The following FAF1 variants were observed in gnomAD, a reference collection of about 807,000 sequenced individuals.
FAF1 encodes Fas associated factor 1.
In FAF1, 25 loss-of-function variants were observed where a neutral mutation model predicts 92.5. The ratio of observed to expected loss-of-function variants is 0.27; its 90% CI spans 0.20 to 0.38. The LOEUF (loss-of-function observed/expected upper bound fraction) is 0.38. Among genes scored for constraint, FAF1 ranks in the 10% least tolerant of loss-of-function variants. The probability of loss-of-function intolerance (pLI) is 1.00; values close to 1 mark genes in which losing one functional copy is unlikely to be tolerated. For synonymous variants in FAF1, 234 were observed against 273.2 expected (o/e 0.86, Z 1.42); for missense variants, 636 against 793.3 (o/e 0.80, Z 2.38).
intron 2 of FAF1, among the ~76,000 whole-genome samples, chr1:50,843,811 C>CTTGGCT: frequency 6.6e-6 from 1 of 151,956 alleles, no homozygotes. Context: ...GATTCCATAT[C>CTTGGCT]TTGGCTACTG....
chr1:50,780,224 T>C (rs1366132459), intron 4 of FAF1: 1 of 152,320 alleles, frequency 6.6e-6, no homozygotes, highest in Non-Finnish European at 1.5e-5. Context: ...TTTAGATTTA[T>C]GGACATGCAA....
intron 17 of FAF1, among the ~76,000 whole-genome samples, chr1:50,480,276 A>AT (rs960124927): frequency 3.3e-5 from 5 of 152,198 alleles, no homozygotes; most frequent in African/African-American, 1.2e-4. Flanking sequence ...ACAAGGTTAC[A>AT]TTTTTTAAAC....
At chr1:50,792,445 G>C (rs993221504) in intron 3 of FAF1, among the ~76,000 whole-genome samples, 2 of 152,198 alleles carry the variant, frequency 1.3e-5, no homozygotes, top group African/African-American at 4.8e-5. Context: ...TCCCATGACT[G>C]AGAAGGCTAG....
intron 1 of FAF1, among the ~76,000 whole-genome samples, chr1:50,871,774 C>T (rs1476322878): frequency 6.6e-6 from 1 of 152,176 alleles, no homozygotes; most frequent in Non-Finnish European, 1.5e-5. Flanking sequence ...AACATCGATT[C>T]TGTAGCTCAT....
At chr1:50,774,266 T>C (rs1171032372) in intron 4 of FAF1, among the ~76,000 whole-genome samples, 1 of 152,194 alleles carries the variant, frequency 6.6e-6, no homozygotes, top group East Asian at 1.9e-4. Flanking sequence ...CTTTCCTTCT[T>C]TTCACATGTA....
chr1:50,462,231 C>T (rs568289900), intron 18 of FAF1: 6 of 151,940 alleles, frequency 3.9e-5, no homozygotes, highest in East Asian at 3.9e-4. Flanking sequence ...CTGAGTCCTA[C>T]GAATCTTCCT....
At chr1:50,680,511 C>T (rs902471050) in intron 7 of FAF1, among the ~76,000 whole-genome samples, 1 of 151,948 alleles carries the variant, frequency 6.6e-6, no homozygotes. Context: ...GGGGAAACCT[C>T]GTCTCTACTA....
chr1:50,934,760 T>C (rs535628801), intron 1 of FAF1, among the ~76,000 whole-genome samples: 1 of 152,352 alleles, frequency 6.6e-6, no homozygotes, highest in Admixed American at 6.5e-5. Context: ...TTTAAAGTCT[T>C]CACTTTTGGT....
chr1:50,651,869 C>T (rs1210066842), intron 8 of FAF1, among the ~76,000 whole-genome samples: 1 of 152,166 alleles, frequency 6.6e-6, no homozygotes, highest in African/African-American at 2.4e-5. Flanking sequence ...AGTTTTTATA[C>T]TCCTAATGAA....
chr1:50,618,306 T>G (rs1653021896), intron 8 of FAF1, among the ~76,000 whole-genome samples: 1 of 152,172 alleles, frequency 6.6e-6, no homozygotes, highest in Non-Finnish European at 1.5e-5. Flanking sequence ...TTAACACTGC[T>G]TTAGCTGCAT....
intron 4 of FAF1, among the ~76,000 whole-genome samples, chr1:50,776,953 G>A (rs537408319): frequency 6.6e-6 from 1 of 151,918 alleles, no homozygotes; most frequent in Non-Finnish European, 1.5e-5. Context: ...GAAGTTTGGT[G>A]ATTTAAAAAA....
intron 1 of FAF1, chr1:50,959,565 T>C: frequency 2.6e-6 from 1 of 384,008 alleles, no homozygotes; most frequent in Non-Finnish European, 5.0e-6. Context: ...AACCCGTACT[T>C]AACACATTCT....
chr1:50,523,215 G>A (rs1162612217), intron 15 of FAF1, among the ~76,000 whole-genome samples: 1 of 152,150 alleles, frequency 6.6e-6, no homozygotes, highest in Non-Finnish European at 1.5e-5. Flanking sequence ...GAATAATGAT[G>A]CAATGAACTT....
intron 8 of FAF1, among the ~76,000 whole-genome samples, chr1:50,639,919 G>A (rs1341848605): frequency 2.3e-5 from 3 of 133,302 alleles, no homozygotes; most frequent in Admixed American, 1.6e-4. Flanking sequence ...GGGTGACAGA[G>A]CAAGACTCGA....
chr1:50,717,594 C>T (rs1658230048), intron 6 of FAF1, among the ~76,000 whole-genome samples: 1 of 152,190 alleles, frequency 6.6e-6, no homozygotes, highest in South Asian at 2.1e-4. Context: ...GTCATGAGTT[C>T]AGCACAGGCT....
chr1:50,715,082 G>A (rs1468943972), intron 6 of FAF1: 1 of 386,170 alleles, frequency 2.6e-6, no homozygotes, highest in Non-Finnish European at 5.1e-6. Flanking sequence ...AACAGAAAAA[G>A]ACTATTAAAA....
intron 1 of FAF1, among the ~76,000 whole-genome samples, chr1:50,907,525 G>T (rs1430696308): frequency 6.6e-6 from 1 of 152,060 alleles, no homozygotes; most frequent in African/African-American, 2.4e-5. Flanking sequence ...TTTTTTGGTT[G>T]GTAGGCTATT....
At chr1:50,481,716 G>C (rs1646706217) in intron 17 of FAF1, among the ~76,000 whole-genome samples, 1 of 151,930 alleles carries the variant, frequency 6.6e-6, no homozygotes, top group South Asian at 2.1e-4. Flanking sequence ...TGGGGGGAGG[G>C]GTAAAATTTT....
chr1:50,722,551 A>G (rs1658454434), intron 6 of FAF1, among the ~76,000 whole-genome samples: 1 of 150,576 alleles, frequency 6.6e-6, no homozygotes, highest in Admixed American at 6.6e-5. Flanking sequence ...CGGGAGGCTG[A>G]GGCAGGAGAA....
Sources: allele counts gnomAD v4.1 joint callset (sites outside exome capture counted in the v4.1 genomes callset), GRCh38; gene constraint gnomAD v4.1.1; transcripts MANE v1.5; gene names NCBI Gene and HGNC (gene_info 2026-07-23, HGNC 2026-07-21).